The following PRDM16 variants were observed in gnomAD, a reference collection of about 807,000 sequenced individuals.
PRDM16 encodes histone-lysine N-methyltransferase PRDM16.
PRDM16 carries 23 observed loss-of-function variants against 110.6 expected under a neutral mutation model. That is an observed-to-expected ratio of 0.21 (90% CI 0.15 to 0.29). PRDM16 has a LOEUF of 0.29. PRDM16 is among the 10% of genes least tolerant of loss of function. The pLI, the probability that PRDM16 is intolerant of heterozygous loss-of-function variation, is 1.00. For synonymous variants in PRDM16, 799 were observed against 781.8 expected, an observed-to-expected ratio of 1.02 and a Z score of -0.37; for missense variants, 1,615 against 1,794.3, an observed-to-expected ratio of 0.90 and a Z score of 1.81.
At chr1:3,280,854 C>T (rs1640699021) in intron 3 of PRDM16, among the ~76,000 whole-genome samples, 2 of 152,228 alleles carry the variant, frequency 1.3e-5, no homozygotes, top group South Asian at 4.1e-4. Flanking sequence ...GTTCTCACAG[C>T]CCCTGGGGCA....
rs114106965 is a variant in PRDM16, at chr1:3,300,828, C to T, written c.438+56691C>T. ...GAGCAACCGTGTATGGAAATATCTT[C>T]CTTCAACCGCTTAGATCCCAGACCC... On this transcript the variant is annotated intron_variant, in intron 3 of 16. Transcript: ENST00000270722. Among the ~76,000 whole-genome samples, 1,186 of 152,332 alleles carry T rather than the reference C, an allele frequency of 7.8e-3. 16 individuals carry two copies. The highest frequency in any genetic ancestry group is 0.027 in the African/African-American group (1,122 of 41,568).
chr1:3,376,405 AC>A (rs1642990963), intron 3 of PRDM16, among the ~76,000 whole-genome samples: 1 of 152,098 alleles, frequency 6.6e-6, no homozygotes, highest in Non-Finnish European at 1.5e-5. Flanking sequence ...TCAGAGTCCC[AC>A]TGGGTCACAG....
chr1:3,145,535 G>A (rs1643631436), intron 1 of PRDM16, among the ~76,000 whole-genome samples: 1 of 152,202 alleles, frequency 6.6e-6, no homozygotes, highest in African/African-American at 2.4e-5. Context: ...TCTCCCGAGA[G>A]TCCCCTGACC....
At chr1:3,091,607 CA>C (rs1353321256) in intron 1 of PRDM16, among the ~76,000 whole-genome samples, 1 of 152,224 alleles carries the variant, frequency 6.6e-6, no homozygotes, top group Non-Finnish European at 1.5e-5. Context: ...CTGCGGAGGG[CA>C]CCTCTGCCCA....
In PRDM16 at chr1:3,437,327, T is replaced by C. The variant is rs1161001091; in HGVS notation, c.*3516T>C. ...GTCCTCTGCCTTCCCCGCTTCCCCA[T>C]GAGCGTCTGCAAAACACTTGCCTGA... On this transcript the variant is annotated 3_prime_UTR_variant, in exon 17 of 17. Transcript: ENST00000270722. 4.3e-6 allele frequency: 1 copy of C among 232,658 alleles called. No individual in the cohort carries two copies. The highest frequency in any genetic ancestry group is 5.6e-5 in the Admixed American group (1 of 17,762). The allele number at this position is 232,658 out of a possible 1,614,324, so 14.4% of individuals were successfully genotyped here. A position where few individuals can be genotyped will look rare whatever the true frequency, so the allele number is the denominator to read the frequency against.
At position 3,201,872 on chromosome 1, in the gene PRDM16, A is replaced by T. The variant is rs147012870; in HGVS notation, c.387+15398A>T. Among the ~76,000 whole-genome samples the T allele has an allele frequency of 6.6e-6, 1 of 152,008 alleles. No individual in the cohort carries two copies. The highest frequency in any genetic ancestry group is 2.0e-4 in the East Asian group (1 of 5,128). On this transcript the variant is annotated intron_variant, in intron 2 of 16. Transcript: ENST00000270722. The surrounding 1 kb of genome is among the most constrained non-coding windows in gnomAD (Gnocchi z 4.1). ...CCTGCGGCTTCCCAGATCCCACATG[A>T]GCTTAGGCGCTGACTCCACCTCTCG...
intron 3 of PRDM16, among the ~76,000 whole-genome samples, chr1:3,296,826 C>T (rs181104366): frequency 7.0e-4 from 107 of 152,302 alleles, no homozygotes; most frequent in African/African-American, 2.4e-3. Context: ...GGACAAGTCC[C>T]GATAAACCCA....
Position 3,437,202 on chromosome 1 carries a change from C to T in PRDM16, c.*3391C>T, listed in dbSNP as rs1279732619. ...GAGACTGCCCAGCTGGAGAGGCCTT[C>T]CTTTACAAGGCCACGCGTGCAGCTG... On this transcript the variant is annotated 3_prime_UTR_variant, in exon 17 of 17. Coordinates refer to ENST00000270722, the MANE Select transcript of PRDM16 (RefSeq NM_022114.4). 4.3e-6 allele frequency: 1 copy of T among 232,660 alleles called. No homozygotes were observed. Among genetic ancestry groups the T allele is most frequent in the African/African-American group, 2.2e-5 (1 of 45,366 alleles). 14.4% of individuals were successfully genotyped at this position (232,660 alleles called of 1,614,324 possible).
intron 1 of PRDM16, among the ~76,000 whole-genome samples, chr1:3,177,358 A>G (rs1325269261): frequency 6.6e-6 from 1 of 152,216 alleles, no homozygotes; most frequent in Non-Finnish European, 1.5e-5. Context: ...GTGTTTTGTC[A>G]TTGTAGGGAG....
rs72632109 is a variant in PRDM16 at position 3,245,310 on chromosome 1, A to C, written c.438+1173A>C. Among the ~76,000 whole-genome samples the C allele has an allele frequency of 0.043, 6,470 of 152,230 alleles. 155 individuals are homozygous for C. Among genetic ancestry groups the C allele is most frequent in the Middle Eastern group, 0.051 (15 of 294 alleles). On this transcript the variant is annotated intron_variant, in intron 3 of 16. Transcript: ENST00000270722. The surrounding 1 kb of genome is among the most constrained non-coding windows in gnomAD (Gnocchi z 4.7). ...GCTGTGCTAGTCCTGCCAAACTCCC[A>C]GTCTCTGAGCCGAGGCATTTGGGCA... is the stretch of plus-strand genomic sequence containing the variant.
In PRDM16 at chr1:3,179,696, G is replaced by A. The variant is rs576554592; in HGVS notation, c.38-6429G>A. Among the ~76,000 whole-genome samples, 5 of 152,142 alleles carry A rather than the reference G, an allele frequency of 3.3e-5. No homozygotes were observed. In the South Asian group the frequency reaches 6.2e-4, roughly 19 times the overall value. On this transcript the variant is annotated intron_variant, in intron 1 of 16. Transcript: ENST00000270722. ...GAAGGGGCCGCCCGCTCTCAAGGCC[G>A]GGCACCTGCATCCTGGCACCTCGCT...
At position 3,190,699 on chromosome 1, in the gene PRDM16, C is replaced by G. The variant is rs966802244; in HGVS notation, c.387+4225C>G. Among the ~76,000 whole-genome samples, 1 of 152,188 alleles carries G rather than the reference C, an allele frequency of 6.6e-6. No individual in the cohort carries two copies. Among genetic ancestry groups the G allele is most frequent in the African/African-American group, 2.4e-5 (1 of 41,456 alleles). On this transcript the variant is annotated intron_variant, in intron 2 of 16. Transcript: ENST00000270722. The surrounding 1 kb of genome is among the most constrained non-coding windows in gnomAD (Gnocchi z 5.0). The stretch of plus-strand genomic sequence containing the variant: ...GACACAGCCGGGCTCAGTCTCTTCC[C>G]AAATACCACGCCCCGCCGGTCGCCG...
rs1030427340 is a variant in PRDM16, at chr1:3,190,724, G to T, written c.387+4250G>T. Among the ~76,000 whole-genome samples the T allele has an allele frequency of 2.0e-5, 3 of 152,216 alleles. No homozygotes were observed. Among genetic ancestry groups the T allele is most frequent in the African/African-American group, 4.8e-5 (2 of 41,454 alleles). ...CAAATACCACGCCCCGCCGGTCGCC[G>T]CCGAAGCCCACCTGCCTGGAGGAAA... On this transcript the variant is annotated intron_variant, in intron 2 of 16. Transcript: ENST00000270722. The surrounding 1 kb of genome is among the most constrained non-coding windows in gnomAD (Gnocchi z 5.0).
rs1472018969 is a variant in PRDM16 at position 3,243,804 on chromosome 1, G to A, written c.388-283G>A. 1.3e-5 allele frequency among the ~76,000 whole-genome samples: 2 copies of A among 152,198 alleles called. No individual in the cohort carries two copies. Among genetic ancestry groups the A allele is most frequent in the East Asian group, 3.8e-4 (2 of 5,198 alleles). ...TGGGTCCCCACCCAACCACTAAAGG[G>A]CCAGAGTGAGCTACACAGTGTGTCT... On this transcript the variant is annotated intron_variant, in intron 2 of 16. Coordinates refer to ENST00000270722, the MANE Select transcript of PRDM16 (RefSeq NM_022114.4). The surrounding 1 kb of genome is among the most constrained non-coding windows in gnomAD (Gnocchi z 5.5).
chr1:3,194,617 C>CCCG (rs2100814376), intron 2 of PRDM16, among the ~76,000 whole-genome samples: 2 of 148,126 alleles, frequency 1.4e-5, no homozygotes, highest in Non-Finnish European at 3.0e-5. Context: ...CCACCGTCTC[C>CCCG]CCACCACACG....
At chr1:3,153,789 G>A (rs556299780) in intron 1 of PRDM16, among the ~76,000 whole-genome samples, 7 of 152,352 alleles carry the variant, frequency 4.6e-5, no homozygotes, top group Non-Finnish European at 8.8e-5. Context: ...ATTGAGAAGC[G>A]TGGAACGCAA....
intron 1 of PRDM16, among the ~76,000 whole-genome samples, chr1:3,123,633 A>T (rs1040695230): frequency 6.6e-6 from 1 of 152,196 alleles, no homozygotes; most frequent in Admixed American, 6.5e-5. Context: ...AGCCCATCCC[A>T]TGCCCCCTTC....
intron 3 of PRDM16, among the ~76,000 whole-genome samples, chr1:3,313,628 G>A (rs1000011215): frequency 7.9e-5 from 12 of 152,220 alleles, no homozygotes; most frequent in South Asian, 2.1e-4. Flanking sequence ...CTGCGAGGCC[G>A]TGCGGACCCC....
chr1:3,131,795 G>C (rs1271155373), intron 1 of PRDM16, among the ~76,000 whole-genome samples: 6 of 152,146 alleles, frequency 3.9e-5, no homozygotes, highest in Admixed American at 3.9e-4. Flanking sequence ...CCCAGGCTGC[G>C]TCCTGCAGTG....
Sources: allele counts gnomAD v4.1 joint callset (sites outside exome capture counted in the v4.1 genomes callset), GRCh38; gene constraint gnomAD v4.1.1; non-coding constraint Gnocchi (gnomAD v3.1); transcripts MANE v1.5; gene names NCBI Gene and HGNC (gene_info 2026-07-23, HGNC 2026-07-21).